PRKG1: variants seen among roughly 807,000 people sequenced by gnomAD.
PRKG1 encodes cGMP-dependent protein kinase 1.
Under a neutral mutation model 88.1 loss-of-function variants are expected in PRKG1, and 35 were observed. The ratio of observed to expected loss-of-function variants is 0.40; its 90% CI spans 0.30 to 0.53. PRKG1 has a LOEUF of 0.53. Among genes scored for constraint, PRKG1 ranks in the 20% least tolerant of loss-of-function variants. PRKG1 has a pLI of 0.59. For synonymous variants in PRKG1, 303 were observed against 292.5 expected (o/e 1.04, Z -0.37); for missense variants, 540 against 839.8 (o/e 0.64, Z 4.41).
At chr10:51,078,892 A>G (rs1844036863) in intron 1 of PRKG1, among the ~76,000 whole-genome samples, 1 of 152,280 alleles carries the variant, frequency 6.6e-6, no homozygotes, top group Non-Finnish European at 1.5e-5. Flanking sequence ...CTGGGATTAC[A>G]GGTGTGAGCC....
At chr10:51,979,388 T>C (rs1843934728) in intron 5 of PRKG1, among the ~76,000 whole-genome samples, 1 of 148,414 alleles carries the variant, frequency 6.7e-6, no homozygotes, top group Non-Finnish European at 1.5e-5. Flanking sequence ...TTTGCTTCAA[T>C]ATTCATCATG....
intron 3 of PRKG1, among the ~76,000 whole-genome samples, chr10:51,530,392 C>A (rs778965342): frequency 7.9e-5 from 12 of 152,104 alleles, no homozygotes; most frequent in South Asian, 6.3e-4. Context: ...AAGCAGAGAG[C>A]AAATAGTGTT....
chr10:51,365,627 C>T (rs988657141), intron 2 of PRKG1, among the ~76,000 whole-genome samples: 3 of 151,916 alleles, frequency 2.0e-5, no homozygotes, highest in Admixed American at 6.6e-5. Flanking sequence ...ACATCAGGAT[C>T]ACTGAGGAGC....
intron 2 of PRKG1, among the ~76,000 whole-genome samples, chr10:51,177,380 C>T (rs888100679): frequency 1.3e-5 from 2 of 152,164 alleles, no homozygotes; most frequent in African/African-American, 4.8e-5. Flanking sequence ...CTACTAACTA[C>T]AAATGTAAAT....
chr10:52,101,439 C>T (rs948579653), intron 7 of PRKG1, among the ~76,000 whole-genome samples: 25 of 152,296 alleles, frequency 1.6e-4, no homozygotes, highest in Non-Finnish European at 2.4e-4. Flanking sequence ...CATTTCCCTA[C>T]TCATATATTG....
chr10:50,998,843 T>G (rs531527334), intron 1 of PRKG1, among the ~76,000 whole-genome samples: 1 of 152,362 alleles, frequency 6.6e-6, no homozygotes, highest in South Asian at 2.1e-4. Flanking sequence ...GTCTTTTAAA[T>G]AGATTTGTTT....
At chr10:51,032,574 C>T (rs1445909610) in intron 1 of PRKG1, among the ~76,000 whole-genome samples, 1 of 152,094 alleles carries the variant, frequency 6.6e-6, no homozygotes, top group Non-Finnish European at 1.5e-5. Context: ...TCCTGGCCAA[C>T]ATGGCAAAAC....
intron 3 of PRKG1, among the ~76,000 whole-genome samples, chr10:51,506,172 T>G (rs1038971709): frequency 2.0e-5 from 3 of 152,198 alleles, no homozygotes; most frequent in Admixed American, 6.6e-5. Context: ...GATTAAAGAC[T>G]TAAATGTTAG....
chr10:51,883,120 CT>C (rs1022607088), intron 4 of PRKG1, among the ~76,000 whole-genome samples: 3 of 152,202 alleles, frequency 2.0e-5, no homozygotes, highest in Admixed American at 6.5e-5. Flanking sequence ...CAAACTGTCT[CT>C]TCCTGAGGGA....
intron 3 of PRKG1, among the ~76,000 whole-genome samples, chr10:51,632,180 C>T (rs1360579413): frequency 6.6e-6 from 1 of 151,854 alleles, no homozygotes; most frequent in Non-Finnish European, 1.5e-5. Flanking sequence ...AGTTCTTCTT[C>T]TTCTAATATG....
At chr10:51,670,735 C>CAAA (rs1181738888) in intron 3 of PRKG1, among the ~76,000 whole-genome samples, 140 of 116,704 alleles carry the variant, frequency 1.2e-3, no homozygotes, top group African/African-American at 4.1e-3. Context: ...GACTCCGTCT[C>CAAA]AAAAAAAAAT....
At chr10:51,996,415 ACAACT>A (rs955170341) in intron 5 of PRKG1, among the ~76,000 whole-genome samples, 7 of 152,092 alleles carry the variant, frequency 4.6e-5, no homozygotes, top group African/African-American at 1.7e-4. Context: ...AAATGTATAA[ACAACT>A]CAACTCAATA....
chr10:52,138,089 C>A (rs1462800296), intron 8 of PRKG1, among the ~76,000 whole-genome samples: 1 of 152,036 alleles, frequency 6.6e-6, no homozygotes, highest in Non-Finnish European at 1.5e-5. Flanking sequence ...GAGATACAGC[C>A]ATACTGGTTA....
At chr10:51,762,205 A>T (rs1003892043) in intron 3 of PRKG1, among the ~76,000 whole-genome samples, 10 of 152,316 alleles carry the variant, frequency 6.6e-5, no homozygotes, top group African/African-American at 2.2e-4. Context: ...GGCATACTTA[A>T]TGTGAATCTC....
intron 2 of PRKG1, among the ~76,000 whole-genome samples, chr10:51,427,243 T>G (rs1838615117): frequency 6.6e-6 from 1 of 151,610 alleles, no homozygotes; most frequent in Non-Finnish European, 1.5e-5. Context: ...GGGAGAGAGA[T>G]GAACAGAATG....
intron 3 of PRKG1, among the ~76,000 whole-genome samples, chr10:51,507,433 G>A (rs1841253980): frequency 6.6e-6 from 1 of 152,070 alleles, no homozygotes; most frequent in African/African-American, 2.4e-5. Context: ...ATTTGTGCTT[G>A]TATTCTTGCT....
intron 2 of PRKG1, among the ~76,000 whole-genome samples, chr10:51,242,113 G>A (rs1017117705): frequency 5.9e-5 from 9 of 152,098 alleles, no homozygotes; most frequent in East Asian, 1.9e-4. Context: ...AAGGGAAGTC[G>A]TCCTATATAT....
intron 2 of PRKG1, among the ~76,000 whole-genome samples, chr10:51,343,487 C>T (rs965946337): frequency 4.6e-5 from 7 of 152,052 alleles, no homozygotes; most frequent in African/African-American, 1.7e-4. Context: ...TTTAAAAACA[C>T]AGTGATAGGA....
chr10:52,055,292 G>A (rs1846084111), intron 6 of PRKG1, among the ~76,000 whole-genome samples: 1 of 152,174 alleles, frequency 6.6e-6, no homozygotes, highest in Non-Finnish European at 1.5e-5. Context: ...CCTTAGGCAA[G>A]TTGCTGAATA....
Sources: gnomAD v4.1 joint callset for allele counts (sites outside exome capture counted in the v4.1 genomes callset) on GRCh38, gnomAD v4.1.1 for gene constraint, MANE v1.5 for transcripts, NCBI Gene and HGNC (gene_info 2026-07-23, HGNC 2026-07-21) for gene names.